The following OPHN1 variants were observed in gnomAD, a reference collection of about 807,000 sequenced individuals.
The protein encoded by OPHN1 is oligophrenin-1.
Under a neutral mutation model 60.7 loss-of-function variants are expected in OPHN1, and 11 were observed. The observed-to-expected ratio is 0.18, with a 90% confidence interval of 0.11 to 0.30. The LOEUF (loss-of-function observed/expected upper bound fraction) is 0.30, where lower values mean the gene tolerates loss of function less well. Ranked by LOEUF, OPHN1 falls within the 10% of genes least tolerant of loss-of-function variation. The probability of loss-of-function intolerance (pLI) is 1.00; values close to 1 mark genes in which losing one functional copy is unlikely to be tolerated. For missense variants in OPHN1, 449 were observed against 611.0 expected, an observed-to-expected ratio of 0.73 and a Z score of 2.80; for synonymous variants, 226 against 222.6, an observed-to-expected ratio of 1.02 and a Z score of -0.14.
At chrX:68,197,839 G>A (rs969039853) in intron 11 of OPHN1, among the ~76,000 whole-genome samples, 3 of 111,418 alleles carry the variant, frequency 2.7e-5, no homozygotes, top group African/African-American at 9.8e-5. Flanking sequence ...CTTACTAGGT[G>A]ACAAATTTTG....
chrX:68,125,968 C>CAA lies in OPHN1; in HGVS notation c.1277-6637_1277-6636insTT, dbSNP rs1469649383. Among the ~76,000 whole-genome samples, 6 of 38,662 alleles carry CAA rather than the reference C, an allele frequency of 1.6e-4. 1 individual carries two copies. The highest frequency in any genetic ancestry group is 3.9e-4 in the African/African-American group (6 of 15,390). 33.6% of individuals were successfully genotyped at this position (38,662 alleles called of 115,157 possible). A position where few individuals can be genotyped will look rare whatever the true frequency, so the allele number is the denominator to read the frequency against. On this transcript the variant is annotated intron_variant, in intron 15 of 24. Coordinates refer to ENST00000355520, the MANE Select transcript of OPHN1 (RefSeq NM_002547.3). ...ATATATATATATATACATACACACA[C>CAA]ACACACACACATATATACCCTCAAC...
In OPHN1 at chrX:68,220,591, G is replaced by T. The variant is rs1174122380; in HGVS notation, c.487-6619C>A. ...CAAAAAGCTTATCCACCATGATCAA[G>T]TGGGCTTCATCCCTGGGATGCAAGG... is the stretch of plus-strand genomic sequence containing the variant. On this transcript the variant is annotated intron_variant, in intron 6 of 24. Coordinates refer to ENST00000355520, the MANE Select transcript of OPHN1 (RefSeq NM_002547.3). 1.1e-4 allele frequency among the ~76,000 whole-genome samples: 10 copies of T among 89,012 alleles called. No homozygotes were observed. The Admixed American group carries it at 1.4e-3, about 12-fold the overall frequency. 77.3% of individuals were successfully genotyped at this position (89,012 alleles called of 115,157 possible).
chrX:68,080,188 C>T (rs1218289204), intron 19 of OPHN1, among the ~76,000 whole-genome samples: 1 of 112,324 alleles, frequency 8.9e-6, no homozygotes, highest in African/African-American at 3.2e-5. Flanking sequence ...AATCTGGCCA[C>T]ATCCTGAAAT....
chrX:68,204,666 T>G (rs1458974621), intron 10 of OPHN1, among the ~76,000 whole-genome samples: 1 of 111,763 alleles, frequency 8.9e-6, no homozygotes, highest in Non-Finnish European at 1.9e-5. Flanking sequence ...CTCTGCCTTG[T>G]GAGTAACTAA....
chrX:68,408,537 T>C (rs2078754729), intron 2 of OPHN1, among the ~76,000 whole-genome samples: 1 of 112,568 alleles, frequency 8.9e-6, no homozygotes, highest in African/African-American at 3.2e-5. Context: ...GGCAAGCCTC[T>C]AGACTCCCAG....
At chrX:68,059,852 T>G (rs1445219061) in intron 21 of OPHN1, among the ~76,000 whole-genome samples, 1 of 111,193 alleles carries the variant, frequency 9.0e-6, no homozygotes, top group Admixed American at 9.6e-5. Flanking sequence ...TCTCAATACC[T>G]CAGGTAGAAT....
At chrX:68,181,591 G>A (rs1460675892) in intron 15 of OPHN1, among the ~76,000 whole-genome samples, 1 of 111,081 alleles carries the variant, frequency 9.0e-6, no homozygotes, top group Non-Finnish European at 1.9e-5. Context: ...TTAAGAGGCC[G>A]AGGCAGGTGG....
chrX:68,405,391 A>G (rs896693031), intron 2 of OPHN1, among the ~76,000 whole-genome samples: 1 of 111,426 alleles, frequency 9.0e-6, no homozygotes, highest in Non-Finnish European at 1.9e-5. Context: ...AGGTCTCACT[A>G]TGCTGCCCAG....
intron 2 of OPHN1, among the ~76,000 whole-genome samples, chrX:68,335,606 T>A (rs891007881): frequency 8.9e-6 from 1 of 111,904 alleles, no homozygotes; most frequent in African/African-American, 3.2e-5. Flanking sequence ...TTGGAAATCA[T>A]CTAACCCTGT....
chrX:68,113,098 C>G (rs1169224832), intron 17 of OPHN1, 83 bp downstream of exon 17: 1 of 811,005 alleles, frequency 1.2e-6, no homozygotes, highest in African/African-American at 2.0e-5. Flanking sequence ...TCAATCACTT[C>G]CCCTCAAACA....
intron 2 of OPHN1, among the ~76,000 whole-genome samples, chrX:68,399,404 A>G (rs2078701578): frequency 8.9e-6 from 1 of 112,021 alleles, no homozygotes; most frequent in Non-Finnish European, 1.9e-5. Context: ...TAATCCCAGC[A>G]CTTTGGGAGG....
At chrX:68,228,572 T>C (rs779306915) in intron 6 of OPHN1, among the ~76,000 whole-genome samples, 27 of 111,859 alleles carry the variant, frequency 2.4e-4, no homozygotes, top group African/African-American at 8.4e-4. Flanking sequence ...CACGATCAAG[T>C]TGGCTTCATC....
chrX:68,229,643 A>T (rs1261583332), intron 6 of OPHN1, among the ~76,000 whole-genome samples: 2 of 112,095 alleles, frequency 1.8e-5, no homozygotes, highest in Non-Finnish European at 3.8e-5. Context: ...GAGAAACCTG[A>T]CAAAAACAAG....
chrX:68,127,516 C>CA (rs767371558), intron 15 of OPHN1, among the ~76,000 whole-genome samples: 3 of 111,573 alleles, frequency 2.7e-5, no homozygotes, highest in Non-Finnish European at 5.6e-5. Flanking sequence ...CCATGTGAAT[C>CA]AACCATGGCT....
At chrX:68,406,612 CAA>C (rs1234267030) in intron 2 of OPHN1, among the ~76,000 whole-genome samples, 1 of 105,623 alleles carries the variant, frequency 9.5e-6, no homozygotes, top group Non-Finnish European at 2.0e-5. Flanking sequence ...ACTCCATCTC[CAA>C]AAAAAAAATT....
intron 15 of OPHN1, among the ~76,000 whole-genome samples, chrX:68,171,903 C>T (rs2077393472): frequency 9.0e-6 from 1 of 110,935 alleles, no homozygotes; most frequent in Non-Finnish European, 1.9e-5. Flanking sequence ...AAATTATAAC[C>T]ACAACACATT....
chrX:68,328,583 A>G (rs2078279766), intron 2 of OPHN1, among the ~76,000 whole-genome samples: 1 of 112,499 alleles, frequency 8.9e-6, no homozygotes, highest in Admixed American at 9.5e-5. Context: ...TACAGGAAAT[A>G]AAATGAAAGG....
At chrX:68,373,389 A>T (rs2078539313) in intron 2 of OPHN1, among the ~76,000 whole-genome samples, 1 of 112,133 alleles carries the variant, frequency 8.9e-6, no homozygotes, top group Non-Finnish European at 1.9e-5. Flanking sequence ...CAGGGTCCAG[A>T]ACCCTTTTCC....
intron 2 of OPHN1, among the ~76,000 whole-genome samples, chrX:68,382,177 G>A (rs1233918375): frequency 1.8e-5 from 2 of 109,765 alleles, no homozygotes; most frequent in Non-Finnish European, 3.8e-5. Context: ...GTGAAACTCC[G>A]TCTCTACTAA....
Sources: allele counts gnomAD v4.1 joint callset (sites outside exome capture counted in the v4.1 genomes callset), GRCh38; gene constraint gnomAD v4.1.1; transcripts MANE v1.5; gene names NCBI Gene and HGNC (gene_info 2026-07-23, HGNC 2026-07-21).